CASQ2: variants seen among roughly 807,000 people sequenced by gnomAD.
CASQ2 encodes the protein calsequestrin-2.
Under a neutral mutation model 46.5 loss-of-function variants are expected in CASQ2, and 49 were observed. The observed-to-expected ratio is 1.05, with a 90% CI of 0.84 to 1.34. The LOEUF is 1.34. Ranked by LOEUF, CASQ2 falls within the 40% of genes most tolerant of loss-of-function variation. The pLI is 0.00. For synonymous variants in CASQ2, 174 were observed against 168.5 expected, an observed-to-expected ratio of 1.03 and a Z score of -0.25; for missense variants, 486 against 481.3, an observed-to-expected ratio of 1.01 and a Z score of -0.09.
chr1:115,754,275 T>G (rs1448055601), intron 1 of CASQ2, among the ~76,000 whole-genome samples: 1 of 152,140 alleles, frequency 6.6e-6, no homozygotes, highest in Non-Finnish European at 1.5e-5. Context: ...TCTTTAGGGC[T>G]GGAATAGGTG....
chr1:115,705,693 C>T (rs759261644), intron 8 of CASQ2, among the ~76,000 whole-genome samples: 1 of 152,144 alleles, frequency 6.6e-6, no homozygotes, highest in Admixed American at 6.5e-5. Flanking sequence ...CTCTAAGGAC[C>T]AAGAATGTCT....
intron 8 of CASQ2, among the ~76,000 whole-genome samples, chr1:115,712,180 C>A (rs1354467970): frequency 6.6e-6 from 1 of 152,214 alleles, no homozygotes; most frequent in African/African-American, 2.4e-5. Flanking sequence ...GGGAGCTCTC[C>A]TCTCACAAGA....
intron 9 of CASQ2, among the ~76,000 whole-genome samples, chr1:115,704,800 T>A (rs542554713): frequency 3.2e-4 from 48 of 152,314 alleles, no homozygotes; most frequent in African/African-American, 1.1e-3. Flanking sequence ...CTGAAAAATG[T>A]TCATCTCTGA....
At chr1:115,716,061 C>A (rs1399774734) in intron 8 of CASQ2, among the ~76,000 whole-genome samples, 1 of 152,192 alleles carries the variant, frequency 6.6e-6, no homozygotes, top group Non-Finnish European at 1.5e-5. Flanking sequence ...TATGAGTATA[C>A]AAGAGACTGA....
intron 4 of CASQ2, among the ~76,000 whole-genome samples, chr1:115,735,078 T>C (rs1040951487): frequency 3.9e-5 from 6 of 152,204 alleles, no homozygotes; most frequent in Non-Finnish European, 7.3e-5. Flanking sequence ...ACAGCTACAA[T>C]GACAAGAAAG....
At chr1:115,722,287 A>C (rs565971768) in intron 7 of CASQ2, among the ~76,000 whole-genome samples, 1 of 152,360 alleles carries the variant, frequency 6.6e-6, no homozygotes, top group Non-Finnish European at 1.5e-5. Context: ...ATATGCAATA[A>C]TGTGGAAAAT....
In CASQ2 at chr1:115,765,269, C is replaced by T. The variant is rs371387839; in HGVS notation, c.234+3039G>A. On this transcript the variant is annotated intron_variant, in intron 1 of 10. Transcript: ENST00000261448. Reference sequence around the variant, plus strand: ...CAGGGCCCCAACAAAAATTAGGTGGCAGATGCATGACTAATTGAATGGTAT... The same window carrying T: ...CAGGGCCCCAACAAAAATTAGGTGGTAGATGCATGACTAATTGAATGGTAT... Among the ~76,000 whole-genome samples the T allele has an allele frequency of 3.3e-5, 5 of 152,332 alleles. No individual in the cohort carries two copies. The East Asian group carries it at 5.8e-4, about 18-fold the overall frequency.
At position 115,704,053 on chromosome 1, in the gene CASQ2, C is replaced by T. The variant is rs536966626; in HGVS notation, c.940-1058G>A. On this transcript the variant is annotated intron_variant, in intron 9 of 10. Coordinates refer to ENST00000261448, the MANE Select transcript of CASQ2 (RefSeq NM_001232.4). ...CTGTACTGTATGCAGTCTTATATGG[C>T]CATGACTTTGTTATAATTACCCAGT... Among the ~76,000 whole-genome samples, 28 of 152,304 alleles carry T rather than the reference C, an allele frequency of 1.8e-4. 1 individual carries two copies. In the South Asian group the frequency reaches 5.8e-3, roughly 32 times the overall value.
At chr1:115,744,232 C>G (rs1456039395) in intron 2 of CASQ2, among the ~76,000 whole-genome samples, 1 of 152,070 alleles carries the variant, frequency 6.6e-6, no homozygotes, top group African/African-American at 2.4e-5. Context: ...GGTTGTGAAT[C>G]CTAAAGTGCA....
At chr1:115,717,775 G>T in intron 8 of CASQ2, 65 bp downstream of exon 8, 1 of 1,174,878 alleles carries the variant, frequency 8.5e-7, no homozygotes, top group Non-Finnish European at 1.3e-6. Flanking sequence ...GAAAGGTGAG[G>T]GCTGGCAAAG....
chr1:115,705,595 C>T (rs1570796359), intron 8 of CASQ2, among the ~76,000 whole-genome samples: 2 of 152,332 alleles, frequency 1.3e-5, no homozygotes, highest in East Asian at 3.9e-4. Flanking sequence ...AGTCACGGAA[C>T]AGAGAAATTC....
chr1:115,722,718 A>G (rs1230014954), intron 7 of CASQ2, among the ~76,000 whole-genome samples: 1 of 152,212 alleles, frequency 6.6e-6, no homozygotes, highest in Admixed American at 6.5e-5. Context: ...TGAAAGACGA[A>G]GACCAAGACC....
At chr1:115,732,520 C>T (rs1647824440) in intron 5 of CASQ2, among the ~76,000 whole-genome samples, 1 of 152,146 alleles carries the variant, frequency 6.6e-6, no homozygotes, top group Admixed American at 6.5e-5. Flanking sequence ...CATTCTACTT[C>T]CCATCCTGAC....
intron 1 of CASQ2, among the ~76,000 whole-genome samples, chr1:115,746,749 AT>A (rs202109947): frequency 2.7e-5 from 4 of 150,622 alleles, no homozygotes; most frequent in Non-Finnish European, 5.9e-5. Context: ...GTTTACAAGC[AT>A]TTTTTTTTAC....
chr1:115,714,542 G>A (rs1216486068), intron 8 of CASQ2, among the ~76,000 whole-genome samples: 1 of 152,148 alleles, frequency 6.6e-6, no homozygotes, highest in African/African-American at 2.4e-5. Flanking sequence ...CTTCCTTGGG[G>A]TGGTGGGGTT....
intron 2 of CASQ2, 135 bp from the exon 3 acceptor site, chr1:115,740,963 C>T (rs1648156276): frequency 2.9e-6 from 2 of 691,006 alleles, no homozygotes; most frequent in East Asian, 5.4e-5. Context: ...ACCAAAGAAG[C>T]AGTTGCCTTG....
At chr1:115,743,285 T>G (rs12140573) in intron 2 of CASQ2, among the ~76,000 whole-genome samples, 107,726 of 151,546 alleles carry the variant, frequency 0.71, 42,005 homozygotes, top group Non-Finnish European at 0.88. Flanking sequence ...GCCCAGGCTG[T>G]AGTGCAGTGG....
intron 1 of CASQ2, among the ~76,000 whole-genome samples, chr1:115,761,516 A>AGAG (rs1315356899): frequency 5.7e-5 from 6 of 105,022 alleles, no homozygotes; most frequent in African/African-American, 2.2e-4. Context: ...AAGAAGAAGA[A>AGAG]GAAGAAGAAG....
At chr1:115,744,805 A>T (rs367619329) in intron 2 of CASQ2, 23 bp downstream of exon 2, 17 of 1,527,974 alleles carry the variant, frequency 1.1e-5, no homozygotes, top group Admixed American at 8.4e-5. Flanking sequence ...TCCCACATAC[A>T]GTATCTCAAA....
Sources: gnomAD v4.1 joint callset for allele counts (sites outside exome capture counted in the v4.1 genomes callset) on GRCh38, gnomAD v4.1.1 for gene constraint, MANE v1.5 for transcripts, NCBI Gene and HGNC (gene_info 2026-07-23, HGNC 2026-07-21) for gene names.